PITPNC1: variants seen among roughly 807,000 people sequenced by gnomAD.
The protein encoded by PITPNC1 is phosphatidylinositol transfer protein cytoplasmic 1.
In PITPNC1, 18 loss-of-function variants were observed where a neutral mutation model predicts 44.7. The ratio of observed to expected loss-of-function variants is 0.40; its 90% CI spans 0.28 to 0.60. PITPNC1 has a LOEUF of 0.60. Among genes scored for constraint, PITPNC1 ranks in the 20% least tolerant of loss-of-function variants. The pLI, the probability that PITPNC1 is intolerant of heterozygous loss-of-function variation, is 0.39. For synonymous variants in PITPNC1, 141 were observed against 149.6 expected (o/e 0.94, Z 0.42); for missense variants, 290 against 418.4 (o/e 0.69, Z 2.68).
intron 4 of PITPNC1, among the ~76,000 whole-genome samples, chr17:67,554,231 CACA>C (rs1265063949): frequency 1.3e-5 from 2 of 149,634 alleles, no homozygotes; most frequent in Non-Finnish European, 3.0e-5. Context: ...GTCAACCTAT[CACA>C]ACAAGAAAAT....
At chr17:67,637,819 T>G (rs1375731403) in intron 6 of PITPNC1, 1 of 150,748 alleles carries the variant, frequency 6.6e-6, no homozygotes, top group Non-Finnish European at 1.5e-5. Flanking sequence ...AGCTTCAAGT[T>G]TGTTCTCATA....
chr17:67,568,952 A>T (rs1160780210), intron 4 of PITPNC1, among the ~76,000 whole-genome samples: 1 of 152,180 alleles, frequency 6.6e-6, no homozygotes, highest in Non-Finnish European at 1.5e-5. Flanking sequence ...GATGACAATA[A>T]TGACAGTCTT....
chr17:67,683,423 G>C (rs905986889), intron 8 of PITPNC1, among the ~76,000 whole-genome samples: 3 of 152,084 alleles, frequency 2.0e-5, no homozygotes, highest in African/African-American at 7.2e-5. Context: ...ACCTGAACAG[G>C]AGCATTTTCA....
intron 5 of PITPNC1, among the ~76,000 whole-genome samples, chr17:67,621,919 C>T (rs545963894): frequency 3.3e-5 from 5 of 152,144 alleles, no homozygotes; most frequent in Non-Finnish European, 5.9e-5. Flanking sequence ...GAGTTTGAGA[C>T]GCACCTGGGC....
intron 1 of PITPNC1, among the ~76,000 whole-genome samples, chr17:67,499,080 G>A (rs2039994381): frequency 1.3e-5 from 2 of 151,996 alleles, no homozygotes; most frequent in Non-Finnish European, 2.9e-5. Context: ...CACCATGTTA[G>A]CCAGGCTGGT....
intron 1 of PITPNC1, among the ~76,000 whole-genome samples, chr17:67,450,080 G>A (rs2039153965): frequency 1.3e-5 from 2 of 152,186 alleles, no homozygotes; most frequent in Admixed American, 6.5e-5. Flanking sequence ...AGAAGAACAA[G>A]TCACATAAAC....
At chr17:67,408,605 C>G (rs1044830143) in intron 1 of PITPNC1, among the ~76,000 whole-genome samples, 1 of 151,030 alleles carries the variant, frequency 6.6e-6, no homozygotes, top group Non-Finnish European at 1.5e-5. Flanking sequence ...TCCTTTCCCT[C>G]CCCTCCTCTC....
intron 1 of PITPNC1, among the ~76,000 whole-genome samples, chr17:67,513,399 C>CTATATCTA (rs1555660360): frequency 6.9e-6 from 1 of 144,020 alleles, no homozygotes; most frequent in African/African-American, 2.6e-5. Flanking sequence ...ATATCTATAT[C>CTATATCTA]TATATCTACA....
At chr17:67,496,525 G>C (rs1211371672) in intron 1 of PITPNC1, among the ~76,000 whole-genome samples, 1 of 152,082 alleles carries the variant, frequency 6.6e-6, no homozygotes, top group African/African-American at 2.4e-5. Context: ...TTGAGTCCCA[G>C]CCTCCCCGTG....
chr17:67,633,987 A>C (rs2042000986), intron 6 of PITPNC1, among the ~76,000 whole-genome samples: 1 of 152,206 alleles, frequency 6.6e-6, no homozygotes, highest in Non-Finnish European at 1.5e-5. Flanking sequence ...CAAATATAGA[A>C]TATTAATGAA....
intron 6 of PITPNC1, among the ~76,000 whole-genome samples, chr17:67,665,096 GT>G (rs976240502): frequency 1.3e-5 from 2 of 150,764 alleles, no homozygotes; most frequent in Non-Finnish European, 2.9e-5. Flanking sequence ...TTGTTTGTTT[GT>G]TTGTTTGTTT....
At chr17:67,398,170 A>G (rs1367991562) in intron 1 of PITPNC1, among the ~76,000 whole-genome samples, 1 of 152,180 alleles carries the variant, frequency 6.6e-6, no homozygotes, top group Non-Finnish European at 1.5e-5. Context: ...TTGGCGCAAA[A>G]GTAATTGTGG....
intron 1 of PITPNC1, among the ~76,000 whole-genome samples, chr17:67,442,375 T>C (rs1189986539): frequency 6.6e-6 from 1 of 150,778 alleles, no homozygotes; most frequent in African/African-American, 2.4e-5. Flanking sequence ...TTGTCAACCC[T>C]CGTAAGCCCG....
intron 2 of PITPNC1, among the ~76,000 whole-genome samples, chr17:67,551,705 G>T (rs1318876011): frequency 6.6e-6 from 1 of 152,216 alleles, no homozygotes; most frequent in African/African-American, 2.4e-5. Flanking sequence ...AGTTACTGGA[G>T]ATTAAGATGT....
chr17:67,581,816 T>TCAGG (rs1348578425), intron 5 of PITPNC1, among the ~76,000 whole-genome samples: 8 of 152,300 alleles, frequency 5.3e-5, no homozygotes, highest in African/African-American at 1.7e-4. Context: ...GGTGGATACC[T>TCAGG]GAGGTCAGGA....
intron 6 of PITPNC1, among the ~76,000 whole-genome samples, chr17:67,664,762 G>A (rs2042397887): frequency 1.3e-5 from 2 of 152,002 alleles, no homozygotes; most frequent in Admixed American, 6.6e-5. Flanking sequence ...AAAATTAGCT[G>A]GGCGTGGTGG....
intron 1 of PITPNC1, among the ~76,000 whole-genome samples, chr17:67,497,975 C>T (rs1410327888): frequency 6.6e-6 from 1 of 152,008 alleles, no homozygotes; most frequent in Non-Finnish European, 1.5e-5. Flanking sequence ...ATCCTCCCAC[C>T]TCAGCCTCCT....
intron 5 of PITPNC1, among the ~76,000 whole-genome samples, chr17:67,595,849 G>T (rs1332744926): frequency 6.6e-6 from 1 of 152,022 alleles, no homozygotes; most frequent in Non-Finnish European, 1.5e-5. Context: ...GTTTCATCTT[G>T]TTCCCAGTCC....
intron 1 of PITPNC1, among the ~76,000 whole-genome samples, chr17:67,387,558 C>T (rs899331602): frequency 3.9e-5 from 6 of 152,090 alleles, no homozygotes; most frequent in Non-Finnish European, 7.4e-5. Context: ...CCCAGCTACT[C>T]GGGAGGCCAA....
Sources: allele counts gnomAD v4.1 joint callset (sites outside exome capture counted in the v4.1 genomes callset), GRCh38; gene constraint gnomAD v4.1.1; transcripts MANE v1.5; gene names NCBI Gene and HGNC (gene_info 2026-07-23, HGNC 2026-07-21).